Variants in PIK3C2G observed in about 807,000 individuals in gnomAD.
The protein encoded by PIK3C2G is phosphatidylinositol 3-kinase C2 domain-containing subunit gamma.
In PIK3C2G, 168 loss-of-function variants were observed where a neutral mutation model predicts 181.1. That is an observed-to-expected ratio of 0.93 (90% CI 0.82 to 1.05). The LOEUF (loss-of-function observed/expected upper bound fraction) is 1.05, where lower values mean the gene tolerates loss of function less well. Ranked by LOEUF, PIK3C2G falls within the 50% of genes least tolerant of loss-of-function variation. The pLI is 0.00. For missense variants in PIK3C2G, 1,869 were observed against 1,732.8 expected (o/e 1.08, Z -1.40); for synonymous variants, 573 against 592.2 (o/e 0.97, Z 0.47).
chr12:18,650,347 A>ATGTGTGTG (rs71064013), downstream of PIK3C2G, among the ~76,000 whole-genome samples: 77 of 114,540 alleles, frequency 6.7e-4, 1 homozygote, highest in African/African-American at 2.5e-3. Flanking sequence ...ATATATATAT[A>ATGTGTGTG]TGTGTGTGTG....
At chr12:18,608,055 GAT>G (rs1289593542) in intron 30 of PIK3C2G, among the ~76,000 whole-genome samples, 1 of 107,588 alleles carries the variant, frequency 9.3e-6, no homozygotes, top group African/African-American at 2.8e-5. Context: ...GAAACAACAG[GAT>G]GTGGAGGATG....
chr12:18,349,397 G>A (rs1361860368), intron 11 of PIK3C2G, among the ~76,000 whole-genome samples: 3 of 152,076 alleles, frequency 2.0e-5, no homozygotes, highest in Admixed American at 6.5e-5. Context: ...AAACTAATTT[G>A]TTAAGGTACA....
At chr12:18,675,507 TTCCACCACTAGGTA>T in the PIK3C2G span, among the ~76,000 whole-genome samples, 2 of 152,202 alleles carry the variant, frequency 1.3e-5, no homozygotes, top group African/African-American at 4.8e-5. Context: ...AACTCTGCAA[TTCCACCACTAGGTA>T]TCCACCCAAA....
At chr12:18,269,310 A>G (rs1311454114) in intron 1 of PIK3C2G, among the ~76,000 whole-genome samples, 2 of 152,182 alleles carry the variant, frequency 1.3e-5, no homozygotes, top group African/African-American at 4.8e-5. Flanking sequence ...TATATTTTGC[A>G]TAATTAATTC....
intron 30 of PIK3C2G, among the ~76,000 whole-genome samples, chr12:18,597,262 CCTTTAT>C (rs1202088127): frequency 2.6e-5 from 4 of 151,466 alleles, no homozygotes; most frequent in African/African-American, 9.7e-5. Flanking sequence ...ACTAATTTCA[CCTTTAT>C]CTTTATCCAC....
chr12:18,606,443 A>G (rs958608051), intron 30 of PIK3C2G, among the ~76,000 whole-genome samples: 1 of 151,836 alleles, frequency 6.6e-6, no homozygotes, highest in African/African-American at 2.4e-5. Context: ...GAACTATCTC[A>G]TAGTATCTCT....
intron 16 of PIK3C2G, among the ~76,000 whole-genome samples, chr12:18,418,786 C>T (rs982956476): frequency 7.9e-5 from 12 of 152,048 alleles, no homozygotes; most frequent in African/African-American, 2.9e-4. Flanking sequence ...CTAAATGAGC[C>T]TGCCCTCAAT....
the PIK3C2G span, among the ~76,000 whole-genome samples, chr12:18,712,294 A>G: frequency 6.6e-6 from 1 of 152,176 alleles, no homozygotes; most frequent in African/African-American, 2.4e-5. Flanking sequence ...AACCTGCTCA[A>G]TTTATAGAGT....
chr12:18,589,948 T>C (rs76591952), intron 29 of PIK3C2G, among the ~76,000 whole-genome samples: 2,906 of 152,008 alleles, frequency 0.019, 80 homozygotes, highest in African/African-American at 0.067. Flanking sequence ...CTCCTGCCTG[T>C]ACCCCATCAG....
chr12:18,685,110 C>T, the PIK3C2G span, among the ~76,000 whole-genome samples: 4 of 152,168 alleles, frequency 2.6e-5, no homozygotes, highest in South Asian at 8.3e-4. Flanking sequence ...CTAATACAGT[C>T]AGTCTTATTA....
the PIK3C2G span, among the ~76,000 whole-genome samples, chr12:18,688,956 A>C: frequency 2.0e-5 from 3 of 152,064 alleles, no homozygotes; most frequent in African/African-American, 4.8e-5. Flanking sequence ...TTATAAAGGA[A>C]TAAAGAAAGG....
At chr12:18,578,384 C>G (rs1352794729) in intron 29 of PIK3C2G, among the ~76,000 whole-genome samples, 1 of 151,902 alleles carries the variant, frequency 6.6e-6, no homozygotes, top group African/African-American at 2.4e-5. Context: ...TGTGATAGAA[C>G]AGTAATGATG....
chr12:18,641,566 C>T (rs532964546), intron 32 of PIK3C2G, among the ~76,000 whole-genome samples: 46 of 152,158 alleles, frequency 3.0e-4, no homozygotes, highest in African/African-American at 1.1e-3. Flanking sequence ...CATTTTCCTT[C>T]ATTGTTATTC....
chr12:18,282,451 T>A lies in PIK3C2G; in HGVS notation c.370T>A (p.Cys124Ser). ...AAAACCTCAAAATACGAATAAAGAA[T>A]GCTCCTGGGGAAGCCCCATAGGAAA... ...LPKPQNTNKE[C>S]SWGSPIGKHH... The change falls in exon 2 of 33, where the codon TGC becomes AGC. Residue 124 changes from cysteine (C) to serine (S), a missense_variant. By Grantham distance (112) the Cys-to-Ser change is moderately radical. Coordinates refer to ENST00000538779, the MANE Select transcript of PIK3C2G (RefSeq NM_001288772.2). 1 of 1,594,574 alleles carries A rather than the reference T, an allele frequency of 6.3e-7. No individual in the cohort carries two copies. Among genetic ancestry groups the A allele is most frequent in the Non-Finnish European group, 8.6e-7 (1 of 1,168,806 alleles).
chr12:18,363,711 G>A (rs1355283171), intron 12 of PIK3C2G, among the ~76,000 whole-genome samples: 1 of 151,956 alleles, frequency 6.6e-6, no homozygotes, highest in Non-Finnish European at 1.5e-5. Flanking sequence ...TTGACTCCCG[G>A]TATGATGCTT....
chr12:18,267,208 T>G lies in PIK3C2G; in HGVS notation c.-79+5631T>G, dbSNP rs531747906. 1.5e-3 allele frequency among the ~76,000 whole-genome samples: 233 copies of G among 152,192 alleles called. 1 individual carries two copies. Among genetic ancestry groups the G allele is most frequent in the African/African-American group, 5.4e-3 (223 of 41,566 alleles). On this transcript the variant is annotated intron_variant, in intron 1 of 32. Coordinates refer to ENST00000538779, the MANE Select transcript of PIK3C2G (RefSeq NM_001288772.2). ...ATCAATTCTGCTTTAAGGAATATTTTAAATATGTGACTGAATTTTCAGTTT... is the reference window on the plus strand; with the variant it reads ...ATCAATTCTGCTTTAAGGAATATTTGAAATATGTGACTGAATTTTCAGTTT...
At chr12:18,616,842 G>A (rs1444828343) in intron 31 of PIK3C2G, among the ~76,000 whole-genome samples, 4 of 152,014 alleles carry the variant, frequency 2.6e-5, no homozygotes, top group Non-Finnish European at 5.9e-5. Context: ...TTTTAAAAGA[G>A]TCATTTCATT....
rs764795603 is a variant in PIK3C2G, at chr12:18,496,172, A to G, written c.2886+18A>G. On this transcript the variant is annotated intron_variant, in intron 21 of 32. Transcript: ENST00000538779. ...TTTTTAAGGTATGGTAGCGCTCTTA[A>G]AACATGAATTGATTCCATACACAGA... 1.5e-5 allele frequency: 21 copies of G among 1,364,942 alleles called. No individual in the cohort carries two copies. The highest frequency in any genetic ancestry group is 2.9e-5 in the African/African-American group (2 of 68,048). 84.6% of individuals were successfully genotyped at this position (1,364,942 alleles called of 1,614,324 possible). A position where few individuals can be genotyped will look rare whatever the true frequency, so the allele number is the denominator to read the frequency against.
rs189301435 is a variant in PIK3C2G, at chr12:18,373,677, G to A, written c.1880+2366G>A. Reference sequence around the variant, plus strand: ...ATCCTGGCTAACATGGTGAAACCCCGTATCTACTAAAAAAATACAAAAAAA... The same window carrying A: ...ATCCTGGCTAACATGGTGAAACCCCATATCTACTAAAAAAATACAAAAAAA... On this transcript the variant is annotated intron_variant, in intron 13 of 32. Coordinates refer to ENST00000538779, the MANE Select transcript of PIK3C2G (RefSeq NM_001288772.2). Among the ~76,000 whole-genome samples the A allele has an allele frequency of 4.9e-3, 739 of 152,010 alleles. 5 individuals are homozygous for A. The highest frequency in any genetic ancestry group is 8.1e-3 in the Non-Finnish European group (551 of 67,964).
Sources: gnomAD v4.1 joint callset for allele counts (sites outside exome capture counted in the v4.1 genomes callset) on GRCh38, gnomAD v4.1.1 for gene constraint, MANE v1.5 for transcripts, NCBI Gene and HGNC (gene_info 2026-07-23, HGNC 2026-07-21) for gene names.